G3BP1: variants seen among roughly 807,000 people sequenced by gnomAD.
G3BP1 encodes G3BP stress granule assembly factor 1.
Under a neutral mutation model 58.6 loss-of-function variants are expected in G3BP1, and 35 were observed. That is an observed-to-expected ratio of 0.60 (90% confidence interval 0.46 to 0.79). G3BP1 has a LOEUF of 0.79. Ranked by LOEUF, G3BP1 falls within the 30% of genes least tolerant of loss-of-function variation. The pLI is 0.00. For missense variants in G3BP1, 523 were observed against 580.8 expected, an observed-to-expected ratio of 0.90 and a Z score of 1.02; for synonymous variants, 191 against 195.4, an observed-to-expected ratio of 0.98 and a Z score of 0.19.
At chr5:151,787,991 C>G (rs187134483) in intron 2 of G3BP1, among the ~76,000 whole-genome samples, 197 of 151,880 alleles carry the variant, frequency 1.3e-3, no homozygotes, top group Non-Finnish European at 2.1e-3. Flanking sequence ...GTGGCAAGGT[C>G]ACAGCTCACT....
chr5:151,771,973 A>T lies in G3BP1; in HGVS notation c.-113A>T, dbSNP rs960665556. 1 of 152,404 alleles carries T rather than the reference A, an allele frequency of 6.6e-6. No homozygotes were observed. The highest frequency in any genetic ancestry group is 1.5e-5 in the Non-Finnish European group (1 of 68,204). 9.4% of individuals were successfully genotyped at this position (152,404 alleles called of 1,614,324 possible). The stretch of plus-strand genomic sequence containing the variant: ...GCGTGTGTGCGGACGCAGTTGCGTG[A>T]GGGGTTTGTACTATCCTCGGTGCTG... On this transcript the variant is annotated 5_prime_UTR_variant, in exon 1 of 12. Transcript: ENST00000356245.
chr5:151,776,934 A>G (rs1222383884), intron 1 of G3BP1, among the ~76,000 whole-genome samples: 3 of 142,208 alleles, frequency 2.1e-5, no homozygotes, highest in Non-Finnish European at 3.0e-5. Flanking sequence ...TCCTTTTGAC[A>G]CTTCCCTATC....
chr5:151,790,963 C>A lies in G3BP1; in HGVS notation c.252C>A (p.Ala84=), dbSNP rs532811445. Residue 84 remains alanine (A), a synonymous_variant, in exon 4 of 12, where the codon GCC becomes GCA. Transcript: ENST00000356245. The stretch of plus-strand genomic sequence containing the variant: ...AGATTCGCCATGTTGATGCTCATGC[C>A]ACGCTAAATGATGGTGTGGTAGTCC... ...HTKIRHVDAH[A]TLNDGVVVQV... 2 of 1,612,006 alleles carry A rather than the reference C, an allele frequency of 1.2e-6. No individual in the cohort carries two copies. The highest frequency in any genetic ancestry group is 2.2e-5 in the South Asian group (2 of 91,002).
chr5:151,807,116 A>T lies in G3BP1; in HGVS notation c.*3025A>T, dbSNP rs1284631257. The T allele has an allele frequency of 6.6e-6, 1 of 152,208 alleles. No homozygotes were observed. The highest frequency in any genetic ancestry group is 2.4e-5 in the African/African-American group (1 of 41,444). 9.4% of individuals were successfully genotyped at this position (152,208 alleles called of 1,614,324 possible). On this transcript the variant is annotated 3_prime_UTR_variant, in exon 12 of 12. Transcript: ENST00000356245. ...ATTGCTAGGGACCAGTGAGATAGATAATCCAAAAATAATAATTTGACTTTG... is the reference window on the plus strand; with the variant it reads ...ATTGCTAGGGACCAGTGAGATAGATTATCCAAAAATAATAATTTGACTTTG...
At position 151,807,812 on chromosome 5, in the gene G3BP1, C is replaced by T. The variant is rs1042149087; in HGVS notation, c.*3721C>T. 1 of 152,142 alleles carries T rather than the reference C, an allele frequency of 6.6e-6. No individual in the cohort carries two copies. The highest frequency in any genetic ancestry group is 6.5e-5 in the Admixed American group (1 of 15,274). 9.4% of individuals were successfully genotyped at this position (152,142 alleles called of 1,614,324 possible). On this transcript the variant is annotated 3_prime_UTR_variant, in exon 12 of 12. Coordinates refer to ENST00000356245, the MANE Select transcript of G3BP1 (RefSeq NM_005754.3). ...ACTTACAGGTAACCTTTTTGAAGAG[C>T]TTAGATTTGTAGACCACTGTTTATG... is the stretch of plus-strand genomic sequence containing the variant.
rs561787037 is a variant in G3BP1, at chr5:151,811,916, A to G, written c.*7825A>G. On this transcript the variant is annotated 3_prime_UTR_variant, in exon 12 of 12. Transcript: ENST00000356245. ...ATTTTCTTCTTCATAAGGATGAGGAACTTTGTAATTCTGACCTGATTTTCC... is the reference window on the plus strand; with the variant it reads ...ATTTTCTTCTTCATAAGGATGAGGAGCTTTGTAATTCTGACCTGATTTTCC... 35 of 152,344 alleles carry G rather than the reference A, an allele frequency of 2.3e-4. No individual in the cohort carries two copies. The highest frequency in any genetic ancestry group is 7.7e-4 in the African/African-American group (32 of 41,578). 9.4% of individuals were successfully genotyped at this position (152,344 alleles called of 1,614,324 possible). A position where few individuals can be genotyped will look rare whatever the true frequency, so the allele number is the denominator to read the frequency against.
Position 151,800,251 on chromosome 5 carries a change from C to T in G3BP1, c.989C>T (p.Pro330Leu), listed in dbSNP as rs149669497. 2 of 1,612,434 alleles carry T rather than the reference C, an allele frequency of 1.2e-6. No homozygotes were observed. Among genetic ancestry groups the T allele is most frequent in the Non-Finnish European group, 1.7e-6 (2 of 1,179,506 alleles). ...GCTGGTGAGCAAGGTGACATTGAAC[C>T]CCGAAGAATGGTGAGACACCCTGAC... is the stretch of plus-strand genomic sequence containing the variant. ...REAGEQGDIEPRRMVRHPDSH... is the reference protein window; with the variant it reads ...REAGEQGDIELRRMVRHPDSH... The change falls in exon 10 of 12, where the codon CCC (proline) becomes CTC (leucine). Residue 330 changes from proline (P) to leucine (L), a missense_variant. Physicochemically the swap from Pro to Leu is moderately conservative, Grantham distance 98. Around this residue, in one of 2 missense-constraint regions of G3BP1, gnomAD observed 398 missense variants for 399.1 expected, o/e 1.00. Transcript: ENST00000356245.
intron 1 of G3BP1, 25 bp from the exon 2 acceptor site, chr5:151,786,547 T>G (rs1762557752): frequency 1.1e-6 from 1 of 935,006 alleles, no homozygotes; most frequent in Non-Finnish European, 1.8e-6. Context: ...TGATTCGGTC[T>G]TTTCCCCTGT....
In G3BP1 at chr5:151,795,565, G is replaced by GTACCAC; in HGVS notation, c.529_530insTACCAC (p.Ala177delinsValProPro). ...TGATTCTGGAACTTTCTATGATCAG[G>GTACCAC]CAGTTGTCAGGTAAGAAGATTTTGT... On this transcript the variant is annotated protein_altering_variant, in exon 6 of 12. Transcript: ENST00000356245. 6.3e-7 allele frequency: 1 copy of GTACCAC among 1,580,164 alleles called. No individual in the cohort carries two copies. Among genetic ancestry groups the GTACCAC allele is most frequent in the Non-Finnish European group, 8.7e-7 (1 of 1,149,876 alleles).
chr5:151,794,482 G>A (rs1762714692), intron 5 of G3BP1, among the ~76,000 whole-genome samples: 1 of 152,180 alleles, frequency 6.6e-6, no homozygotes, highest in African/African-American at 2.4e-5. Context: ...AAGGAGACAG[G>A]CTAACTCACA....
chr5:151,809,490 A>G lies in G3BP1; in HGVS notation c.*5399A>G, dbSNP rs907370219. On this transcript the variant is annotated 3_prime_UTR_variant, in exon 12 of 12. Coordinates refer to ENST00000356245, the MANE Select transcript of G3BP1 (RefSeq NM_005754.3). Reference sequence around the variant, plus strand: ...AGCATAGGGATCATTTGTGATTTATATAGAAAATAATTATATTTTTGAGTG... The same window carrying G: ...AGCATAGGGATCATTTGTGATTTATGTAGAAAATAATTATATTTTTGAGTG... 4 of 152,214 alleles carry G rather than the reference A, an allele frequency of 2.6e-5. No homozygotes were observed. The highest frequency in any genetic ancestry group is 2.1e-4 in the South Asian group (1 of 4,828). The allele number at this position is 152,214 out of a possible 1,614,324, so 9.4% of individuals were successfully genotyped here.
intron 2 of G3BP1, among the ~76,000 whole-genome samples, chr5:151,788,872 G>T (rs1050364015): frequency 4.0e-5 from 6 of 151,636 alleles, no homozygotes; most frequent in African/African-American, 1.5e-4. Flanking sequence ...CTGTCTCCCA[G>T]GTTCAAGTGG....
intron 1 of G3BP1, among the ~76,000 whole-genome samples, chr5:151,772,819 C>G (rs1470037722): frequency 6.6e-6 from 1 of 152,222 alleles, no homozygotes; most frequent in Non-Finnish European, 1.5e-5. Flanking sequence ...AGTCTTTGCC[C>G]CCAGAGCACT....
rs753903917 is a variant in G3BP1, at chr5:151,799,873, A to T, written c.844-16A>T. The stretch of plus-strand genomic sequence containing the variant: ...CTGCTTTGTTTTAACACAAAAGTTA[A>T]CTTAAAATTTTTCAGCCCCGTCCAG... On this transcript the variant is annotated splice_polypyrimidine_tract_variant and intron_variant, in intron 8 of 11. Coordinates refer to ENST00000356245, the MANE Select transcript of G3BP1 (RefSeq NM_005754.3). 3 of 1,472,052 alleles carry T rather than the reference A, an allele frequency of 2.0e-6. No individual in the cohort carries two copies. The Admixed American group carries it at 5.4e-5, about 26-fold the overall frequency. The allele number at this position is 1,472,052 out of a possible 1,614,324, so 91.2% of individuals were successfully genotyped here.
At position 151,788,257 on chromosome 5, in the gene G3BP1, C is replaced by A. The variant is rs73281652; in HGVS notation, c.95+1542C>A. Reference sequence around the variant, plus strand: ...ACATTTTTTCTCATTTCCTCCTGATCATTACAAAAATCTTTACTGAAAGGT... The same window carrying A: ...ACATTTTTTCTCATTTCCTCCTGATAATTACAAAAATCTTTACTGAAAGGT... On this transcript the variant is annotated intron_variant, in intron 2 of 11. Coordinates refer to ENST00000356245, the MANE Select transcript of G3BP1 (RefSeq NM_005754.3). Among the ~76,000 whole-genome samples, 668 of 152,086 alleles carry A rather than the reference C, an allele frequency of 4.4e-3. 4 individuals are homozygous for A. Among genetic ancestry groups the A allele is most frequent in the African/African-American group, 0.016 (645 of 41,480 alleles).
At chr5:151,785,451 A>C (rs2113226430) in intron 1 of G3BP1, among the ~76,000 whole-genome samples, 1 of 152,328 alleles carries the variant, frequency 6.6e-6, no homozygotes, top group East Asian at 1.9e-4. Flanking sequence ...TTAAAAAAAA[A>C]CAGCTAAAAT....
At chr5:151,788,776 C>T (rs1421957373) in intron 2 of G3BP1, among the ~76,000 whole-genome samples, 1 of 151,424 alleles carries the variant, frequency 6.6e-6, no homozygotes, top group Non-Finnish European at 1.5e-5. Context: ...ACCACCATGC[C>T]TGGCTCTTTT....
chr5:151,790,965 C>T lies in G3BP1; in HGVS notation c.254C>T (p.Thr85Met), dbSNP rs773786985. Residue 85 changes from threonine (T) to methionine (M), a missense_variant, in exon 4 of 12, where the codon ACG becomes ATG. This residue lies in a region of G3BP1 where 398 missense variants were observed against 399.1 expected (regional missense o/e 1.00). Transcript: ENST00000356245. ...TKIRHVDAHA[T>M]LNDGVVVQVM... The stretch of plus-strand genomic sequence containing the variant: ...ATTCGCCATGTTGATGCTCATGCCA[C>T]GCTAAATGATGGTGTGGTAGTCCAG... 14 of 1,611,782 alleles carry T rather than the reference C, an allele frequency of 8.7e-6. No homozygotes were observed. Among genetic ancestry groups the T allele is most frequent in the Admixed American group, 1.7e-5 (1 of 59,984 alleles).
chr5:151,797,438 G>A lies in G3BP1; in HGVS notation c.741+10G>A, dbSNP rs370777826. 2.7e-5 allele frequency: 43 copies of A among 1,593,480 alleles called. No individual in the cohort carries two copies. The African/African-American group carries it at 2.7e-4, about 10-fold the overall frequency. Reference sequence around the variant, plus strand: ...ACAGGAAGACTTGAGGGTATGAAACGTGTCTTCATTTTTATTCTATTCCTA... The same window carrying A: ...ACAGGAAGACTTGAGGGTATGAAACATGTCTTCATTTTTATTCTATTCCTA... On this transcript the variant is annotated intron_variant, in intron 7 of 11. Coordinates refer to ENST00000356245, the MANE Select transcript of G3BP1 (RefSeq NM_005754.3).
Sources: allele counts gnomAD v4.1 joint callset (sites outside exome capture counted in the v4.1 genomes callset), GRCh38; gene constraint gnomAD v4.1.1; regional missense constraint gnomAD v4.1.1; transcripts MANE v1.5; gene names NCBI Gene and HGNC (gene_info 2026-07-23, HGNC 2026-07-21).